Variants in PLXDC2 observed in about 807,000 individuals in gnomAD.
The protein encoded by PLXDC2 is plexin domain-containing protein 2.
PLXDC2 carries 40 observed loss-of-function variants against 68.9 expected under a neutral mutation model. The observed-to-expected ratio is 0.58, with a 90% CI of 0.45 to 0.76. PLXDC2 has a LOEUF of 0.76. Ranked by LOEUF, PLXDC2 falls within the 30% of genes least tolerant of loss-of-function variation. The pLI is 0.00. For missense variants in PLXDC2, 644 were observed against 661.9 expected (o/e 0.97, Z 0.30); for synonymous variants, 243 against 234.2 (o/e 1.04, Z -0.34).
chr10:20,027,512 A>C (rs907338809), intron 2 of PLXDC2, among the ~76,000 whole-genome samples: 1 of 152,088 alleles, frequency 6.6e-6, no homozygotes, highest in East Asian at 1.9e-4. Context: ...TGAGAAAATG[A>C]ATTTCTTCTT....
At chr10:19,977,993 G>A (rs1401128828) in intron 1 of PLXDC2, among the ~76,000 whole-genome samples, 1 of 152,116 alleles carries the variant, frequency 6.6e-6, no homozygotes, top group Non-Finnish European at 1.5e-5. Flanking sequence ...GCTAAATTGA[G>A]CAGATCATCT....
chr10:19,840,558 A>G (rs987449068), intron 1 of PLXDC2, among the ~76,000 whole-genome samples: 3 of 152,190 alleles, frequency 2.0e-5, no homozygotes, highest in African/African-American at 7.2e-5. Context: ...AGTACATTGA[A>G]TAGTAAGCTT....
Position 19,817,091 on chromosome 10 carries a change from C to G in PLXDC2, c.12C>G (p.Phe4Leu). 6.4e-7 allele frequency: 1 copy of G among 1,554,324 alleles called. No homozygotes were observed. Reference protein sequence around the residue: MARFPKADLAAAGV... With the variant: MARLPKADLAAAGV... ...GTGGCGGCGGCGGCATGGCGAGGTT[C>G]CCGAAGGCCGACCTGGCCGCTGCAG... Residue 4 changes from phenylalanine (F) to leucine (L), a missense_variant, in exon 1 of 14, where the codon TTC becomes TTG. By Grantham distance (22) the Phe-to-Leu change is conservative (BLOSUM62 0). This residue lies in a region of PLXDC2 where 201 missense variants were observed against 166.9 expected (regional missense o/e 1.20). Coordinates refer to ENST00000377252, the MANE Select transcript of PLXDC2 (RefSeq NM_032812.9).
At chr10:20,143,106 A>G (rs1465965909) in intron 4 of PLXDC2, among the ~76,000 whole-genome samples, 189 bp from the exon 5 acceptor site, 1 of 152,082 alleles carries the variant, frequency 6.6e-6, no homozygotes, top group Non-Finnish European at 1.5e-5. Flanking sequence ...CAAATTATAC[A>G]AGAATTTGTT....
intron 1 of PLXDC2, among the ~76,000 whole-genome samples, chr10:19,821,130 C>T (rs769408359): frequency 2.6e-5 from 4 of 152,144 alleles, no homozygotes; most frequent in Non-Finnish European, 5.9e-5. Flanking sequence ...TAAATGAAGT[C>T]TTCAGCTACT....
intron 4 of PLXDC2, among the ~76,000 whole-genome samples, chr10:20,123,427 A>G (rs1445602588): frequency 6.6e-6 from 1 of 152,192 alleles, no homozygotes; most frequent in African/African-American, 2.4e-5. Flanking sequence ...CCATTTTACA[A>G]CAAGAATTAT....
chr10:20,093,256 C>A (rs552414206), intron 4 of PLXDC2, among the ~76,000 whole-genome samples: 1 of 152,082 alleles, frequency 6.6e-6, no homozygotes, highest in Non-Finnish European at 1.5e-5. Context: ...TTTTTGTTTT[C>A]TTTCTCTCTC....
chr10:20,069,387 G>C (rs375051871), intron 4 of PLXDC2, among the ~76,000 whole-genome samples: 16 of 152,272 alleles, frequency 1.1e-4, no homozygotes, highest in South Asian at 6.2e-4. Flanking sequence ...ATATGCCCAG[G>C]TGCAGTGGCT....
At chr10:20,271,239 G>A (rs572569556) in intron 13 of PLXDC2, among the ~76,000 whole-genome samples, 39 of 152,052 alleles carry the variant, frequency 2.6e-4, no homozygotes, top group African/African-American at 8.9e-4. Flanking sequence ...TGAAGAGACA[G>A]GCAGCAGTGT....
At chr10:20,224,026 G>A (rs1835253965) in intron 12 of PLXDC2, among the ~76,000 whole-genome samples, 1 of 148,946 alleles carries the variant, frequency 6.7e-6, no homozygotes, top group Non-Finnish European at 1.5e-5. Context: ...CCAGGCTGGA[G>A]TGCAGTGGTG....
chr10:20,104,980 G>A lies in PLXDC2; in HGVS notation c.541+36741G>A, dbSNP rs529900844. On this transcript the variant is annotated intron_variant, in intron 4 of 13. Coordinates refer to ENST00000377252, the MANE Select transcript of PLXDC2 (RefSeq NM_032812.9). ...GCAGGAGAATCACTTGAACCAGGGG[G>A]TCAGAGGTTGCAGTGAGCCGAGATC... Among the ~76,000 whole-genome samples the A allele has an allele frequency of 9.5e-5, 14 of 146,950 alleles. No individual in the cohort carries two copies. In the South Asian group the frequency reaches 2.4e-3, roughly 25 times the overall value.
intron 11 of PLXDC2, among the ~76,000 whole-genome samples, chr10:20,218,493 C>A (rs1396641218): frequency 6.6e-6 from 1 of 151,960 alleles, no homozygotes; most frequent in Non-Finnish European, 1.5e-5. Context: ...CGAAAATATT[C>A]CTATAATTTA....
intron 1 of PLXDC2, among the ~76,000 whole-genome samples, chr10:19,848,256 C>T (rs577373216): frequency 6.6e-6 from 1 of 152,292 alleles, no homozygotes; most frequent in African/African-American, 2.4e-5. Flanking sequence ...TTTCTGGAAG[C>T]GTTCTCTGCT....
chr10:20,152,178 A>T (rs1358835687), intron 6 of PLXDC2, among the ~76,000 whole-genome samples: 1 of 152,126 alleles, frequency 6.6e-6, no homozygotes, highest in African/African-American at 2.4e-5. Context: ...ACACTAAATG[A>T]TGAATGATCA....
At chr10:19,902,629 G>A (rs568848229) in intron 1 of PLXDC2, among the ~76,000 whole-genome samples, 14 of 152,240 alleles carry the variant, frequency 9.2e-5, no homozygotes, top group African/African-American at 3.1e-4. Context: ...CCAGCAAACA[G>A]CAACAGTTTG....
chr10:19,978,787 A>G (rs1834500674), intron 1 of PLXDC2, among the ~76,000 whole-genome samples: 1 of 152,222 alleles, frequency 6.6e-6, no homozygotes, highest in Admixed American at 6.5e-5. Flanking sequence ...CTGCTATTTG[A>G]TGATTAGTAA....
At chr10:20,042,770 T>C (rs1416683590) in intron 2 of PLXDC2, among the ~76,000 whole-genome samples, 1 of 152,198 alleles carries the variant, frequency 6.6e-6, no homozygotes, top group Admixed American at 6.5e-5. Flanking sequence ...TGCTACAGAA[T>C]GGCTAAGCTG....
intron 4 of PLXDC2, among the ~76,000 whole-genome samples, chr10:20,124,755 GC>G (rs1833748122): frequency 6.6e-6 from 1 of 152,078 alleles, no homozygotes; most frequent in South Asian, 2.1e-4. Context: ...GAGCTTTTGA[GC>G]CAGGATGAGC....
At chr10:20,078,113 A>T (rs1419457026) in intron 4 of PLXDC2, among the ~76,000 whole-genome samples, 2 of 152,188 alleles carry the variant, frequency 1.3e-5, no homozygotes, top group Non-Finnish European at 2.9e-5. Flanking sequence ...TAATAATTAA[A>T]GATTATCTTG....
Sources: gnomAD v4.1 joint callset for allele counts (sites outside exome capture counted in the v4.1 genomes callset) on GRCh38, gnomAD v4.1.1 for gene constraint, gnomAD v4.1.1 regional missense constraint, MANE v1.5 for transcripts, NCBI Gene and HGNC (gene_info 2026-07-23, HGNC 2026-07-21) for gene names.